The following ACVR1 variants were observed in gnomAD, a reference collection of about 807,000 sequenced individuals.
ACVR1 encodes the protein activin A receptor type 1.
ACVR1 carries 38 observed loss-of-function variants against 57.1 expected under a neutral mutation model. The ratio of observed to expected loss-of-function variants is 0.67; its 90% CI spans 0.51 to 0.87. The LOEUF (loss-of-function observed/expected upper bound fraction) is 0.87, where lower values mean the gene tolerates loss of function less well. ACVR1 is among the 40% of genes least tolerant of loss of function. The pLI is 0.00. For synonymous variants in ACVR1, 212 were observed against 228.1 expected, an observed-to-expected ratio of 0.93 and a Z score of 0.63; for missense variants, 463 against 638.2, an observed-to-expected ratio of 0.73 and a Z score of 2.96.
At chr2:157,859,390 C>T (rs578142697) in intron 1 of ACVR1, among the ~76,000 whole-genome samples, 39 of 152,278 alleles carry the variant, frequency 2.6e-4, no homozygotes, top group African/African-American at 7.9e-4. Flanking sequence ...AAAAATAATT[C>T]GGAAATAACC....
At chr2:157,746,455 T>G (rs1406452317) in intron 9 of ACVR1, among the ~76,000 whole-genome samples, 1 of 152,106 alleles carries the variant, frequency 6.6e-6, no homozygotes, top group Non-Finnish European at 1.5e-5. Context: ...AGCTCCGGAG[T>G]GCACTCTTCA....
chr2:157,757,043 TAA>T (rs57243423), intron 9 of ACVR1, among the ~76,000 whole-genome samples: 31,775 of 136,978 alleles, frequency 0.23, 4,210 homozygotes, highest in African/African-American at 0.42. Flanking sequence ...TATATATATA[TAA>T]AATAGAATAC....
chr2:157,755,409 A>G lies in ACVR1; in HGVS notation c.1264+5471T>C, dbSNP rs147488603. On this transcript the variant is annotated intron_variant, in intron 9 of 10. Coordinates refer to ENST00000434821, the MANE Select transcript of ACVR1 (RefSeq NM_001111067.4). ...CCTATAACTGATAAAAGAACTTACC[A>G]AAGTTTCTGGGTGCAAAATTAATGT... Among the ~76,000 whole-genome samples, 1,369 of 152,234 alleles carry G rather than the reference A, an allele frequency of 9.0e-3. 21 individuals are homozygous for G. Among genetic ancestry groups the G allele is most frequent in the Non-Finnish European group, 0.01 (680 of 67,968 alleles).
At chr2:157,851,994 T>A (rs1559094160) in intron 1 of ACVR1, among the ~76,000 whole-genome samples, 1 of 149,922 alleles carries the variant, frequency 6.7e-6, no homozygotes, top group Admixed American at 6.8e-5. Flanking sequence ...AAGATTATTA[T>A]GTTCTGAAGA....
chr2:157,769,146 G>A (rs796843916), intron 7 of ACVR1, among the ~76,000 whole-genome samples: 4 of 152,312 alleles, frequency 2.6e-5, no homozygotes, highest in African/African-American at 9.6e-5. Flanking sequence ...AGGACAGTGA[G>A]ACCTAAATGT....
chr2:157,792,664 G>A (rs1686961741), intron 3 of ACVR1, among the ~76,000 whole-genome samples: 1 of 152,150 alleles, frequency 6.6e-6, no homozygotes, highest in Non-Finnish European at 1.5e-5. Flanking sequence ...AATCAACTCA[G>A]TAGTTTAAGA....
At chr2:157,780,680 CCA>C in intron 3 of ACVR1, 80 bp from the exon 4 acceptor site, 6 of 1,509,242 alleles carry the variant, frequency 4.0e-6, no homozygotes, top group Non-Finnish European at 5.4e-6. Context: ...GAGGGAATGA[CCA>C]TTCCAAACAC....
intron 6 of ACVR1, among the ~76,000 whole-genome samples, chr2:157,773,713 G>C (rs1429628012): frequency 6.6e-6 from 1 of 152,136 alleles, no homozygotes; most frequent in Non-Finnish European, 1.5e-5. Flanking sequence ...AAAAGAATGA[G>C]AGGAATTAAA....
intron 1 of ACVR1, among the ~76,000 whole-genome samples, chr2:157,862,338 T>C (rs554724125): frequency 6.6e-6 from 1 of 152,230 alleles, no homozygotes; most frequent in African/African-American, 2.4e-5. Context: ...GTGTACTCTC[T>C]ATAGTCATTC....
intron 5 of ACVR1, among the ~76,000 whole-genome samples, chr2:157,774,512 G>A (rs530839423): frequency 6.6e-4 from 100 of 152,148 alleles, no homozygotes; most frequent in African/African-American, 2.3e-3. Flanking sequence ...TTACAGGCAC[G>A]CGCCACCACG....
intron 9 of ACVR1, among the ~76,000 whole-genome samples, chr2:157,739,006 G>A (rs1266601525): frequency 1.3e-5 from 2 of 152,196 alleles, no homozygotes; most frequent in Non-Finnish European, 2.9e-5. Flanking sequence ...CCACAAACTA[G>A]AGCTAGGGAG....
chr2:157,845,584 G>A (rs1342137763), intron 1 of ACVR1, among the ~76,000 whole-genome samples: 3 of 150,960 alleles, frequency 2.0e-5, no homozygotes, highest in Non-Finnish European at 2.9e-5. Context: ...TTACATTGCT[G>A]TTGTTTGTGG....
intron 1 of ACVR1, among the ~76,000 whole-genome samples, chr2:157,855,963 T>C (rs577227088): frequency 5.7e-4 from 86 of 152,132 alleles, no homozygotes; most frequent in Middle Eastern, 3.4e-3. Flanking sequence ...CATCATGAAA[T>C]AGTAGCTTGA....
At position 157,737,655 on chromosome 2, in the gene ACVR1, G is replaced by C. The variant is rs989403918; in HGVS notation, c.1406C>G (p.Ser469Cys). Residue 469 changes from serine (S) to cysteine (C), a missense_variant, in exon 11 of 11, where the codon TCT becomes TGT. This residue lies in a region of ACVR1 where 146 missense variants were observed against 186.6 expected (regional missense o/e 0.78). Coordinates refer to ENST00000434821, the MANE Select transcript of ACVR1 (RefSeq NM_001111067.4). The stretch of plus-strand genomic sequence containing the variant: ...GCATTCTTTCATTAGCTTGGCCAGA[G>C]AGGTTAATGTCTGAGGAGAGAAAGA... The part of the protein sequence containing the change: ...NRWFSDPTLT[S>C]LAKLMKECWY... 8 of 1,614,018 alleles carry C rather than the reference G, an allele frequency of 5.0e-6. No individual in the cohort carries two copies. The highest frequency in any genetic ancestry group is 1.3e-5 in the African/African-American group (1 of 74,914).
chr2:157,819,032 C>A (rs1366948378), intron 1 of ACVR1, among the ~76,000 whole-genome samples: 2 of 126,392 alleles, frequency 1.6e-5, no homozygotes, highest in African/African-American at 5.9e-5. Context: ...GAGCCGAGAT[C>A]CCGCCACTGC....
chr2:157,803,908 TA>T (rs1559066692), intron 2 of ACVR1, among the ~76,000 whole-genome samples: 2 of 146,716 alleles, frequency 1.4e-5, no homozygotes, highest in African/African-American at 2.7e-5. Context: ...CATACTACCT[TA>T]TTTTTTTTTT....
intron 2 of ACVR1, among the ~76,000 whole-genome samples, chr2:157,814,295 A>G (rs1687856519): frequency 6.6e-6 from 1 of 152,270 alleles, no homozygotes; most frequent in African/African-American, 2.4e-5. Flanking sequence ...AAAAATCATA[A>G]CCAAACAGCA....
At chr2:157,854,641 T>C (rs971136353) in intron 1 of ACVR1, among the ~76,000 whole-genome samples, 10 of 150,620 alleles carry the variant, frequency 6.6e-5, no homozygotes, top group Non-Finnish European at 1.3e-4. Flanking sequence ...GAGAATGGCA[T>C]GAACCCGGGA....
At chr2:157,870,493 G>A (rs1690081984) in intron 1 of ACVR1, among the ~76,000 whole-genome samples, 1 of 152,130 alleles carries the variant, frequency 6.6e-6, no homozygotes, top group African/African-American at 2.4e-5. Flanking sequence ...GTTTACTTTG[G>A]ATTCCACCCA....
Sources: allele counts gnomAD v4.1 joint callset (sites outside exome capture counted in the v4.1 genomes callset), GRCh38; gene constraint gnomAD v4.1.1; regional missense constraint gnomAD v4.1.1; transcripts MANE v1.5; gene names NCBI Gene and HGNC (gene_info 2026-07-23, HGNC 2026-07-21).